The following BRME1 variants were observed in gnomAD, a reference collection of about 807,000 sequenced individuals.
BRME1 encodes the protein BRCA2 and MEILB2-associating protein 1.
Under a neutral mutation model 52.6 loss-of-function variants are expected in BRME1, and 31 were observed. The ratio of observed to expected loss-of-function variants is 0.59; its 90% CI spans 0.44 to 0.80. BRME1 has a LOEUF of 0.80. BRME1 is among the 30% of genes least tolerant of loss of function. BRME1 has a pLI of 0.00. For missense variants in BRME1, 804 were observed against 860.3 expected (o/e 0.93, Z 0.82); for synonymous variants, 359 against 353.6 (o/e 1.02, Z -0.17).
At position 13,904,885 on chromosome 19, in the gene BRME1, T is replaced by A. The variant is rs1970565338; in HGVS notation, c.8A>T (p.Lys3Met). MT[K>M]RKKLRTSGEG... ...ACCTGAGGTCCGCAGCTTCTTCCTC[T>A]TAGTCATTTTATCTTCCCCTTGAGA... is the stretch of plus-strand genomic sequence containing the variant. The change falls in exon 2 of 9, where the codon AAG becomes ATG. Residue 3 changes from lysine (K) to methionine (M), a missense_variant. Transcript: ENST00000586783. The A allele has an allele frequency of 6.2e-7, 1 of 1,613,822 alleles. No individual in the cohort carries two copies. Among genetic ancestry groups the A allele is most frequent in the Non-Finnish European group, 8.5e-7 (1 of 1,179,774 alleles).
intron 2 of BRME1, among the ~76,000 whole-genome samples, chr19:13,899,151 CTTT>C (rs561611001): frequency 1.5e-5 from 2 of 137,408 alleles, no homozygotes; most frequent in Non-Finnish European, 1.6e-5. Flanking sequence ...TCTTCTTCTT[CTTT>C]TTTTTTTTTT....
chr19:13,895,338 G>A (rs768588039), intron 3 of BRME1, 34 bp downstream of exon 3: 1 of 1,597,486 alleles, frequency 6.3e-7, no homozygotes, highest in Non-Finnish European at 8.5e-7. Context: ...GACTGTCAGT[G>A]GGGAGACCTG....
At position 13,889,400 on chromosome 19, in the gene BRME1, T is replaced by C. The variant is rs1192873696; in HGVS notation, c.1456A>G (p.Arg486Gly). Residue 486 changes from arginine (R) to glycine (G), a missense_variant, in exon 6 of 9, where the codon AGA (arginine) becomes GGA (glycine). Coordinates refer to ENST00000586783, the MANE Select transcript of BRME1 (RefSeq NM_001345843.2). ...SPQASVVLEH[R>G]EIADDPLQEP... ...TGGAGAGGGTCGTCTGCTATTTCTCTGTGTTCCAGCACAACAGAGGCTTGC... is the reference window on the plus strand; with the variant it reads ...TGGAGAGGGTCGTCTGCTATTTCTCCGTGTTCCAGCACAACAGAGGCTTGC... The C allele has an allele frequency of 3.7e-6, 6 of 1,613,954 alleles. No individual in the cohort carries two copies. The highest frequency in any genetic ancestry group is 3.3e-5 in the Admixed American group (2 of 60,004).
intron 2 of BRME1, among the ~76,000 whole-genome samples, chr19:13,900,113 T>C (rs1970198850): frequency 1.3e-5 from 2 of 152,172 alleles, no homozygotes; most frequent in Non-Finnish European, 2.9e-5. Flanking sequence ...GAATGGCCAT[T>C]TGTACCAAAT....
chr19:13,899,674 A>G (rs1421856849), intron 2 of BRME1, among the ~76,000 whole-genome samples: 1 of 152,140 alleles, frequency 6.6e-6, no homozygotes, highest in African/African-American at 2.4e-5. Context: ...TACCACCACA[A>G]GTAAAGCTCC....
Position 13,890,122 on chromosome 19 carries a change from T to TC in BRME1, c.733dup (p.Glu245GlyfsTer66), listed in dbSNP as rs1332446304. ...CTGGGGGGCTCCTCTGTCTGGCTTC[T>TC]CCCCTTCAGAATCAATGCTTGGTAG... On this transcript the variant is annotated frameshift_variant, in exon 6 of 9. Transcript: ENST00000586783. LOFTEE classifies it high-confidence loss of function. 6.2e-7 allele frequency: 1 copy of TC among 1,614,116 alleles called. No homozygotes were observed. The highest frequency in any genetic ancestry group is 8.5e-7 in the Non-Finnish European group (1 of 1,180,008).
At chr19:13,901,301 A>C (rs1289593424) in intron 2 of BRME1, among the ~76,000 whole-genome samples, 1 of 152,096 alleles carries the variant, frequency 6.6e-6, no homozygotes, top group Non-Finnish European at 1.5e-5. Flanking sequence ...TTCTTTTCAA[A>C]TGATGAAATT....
At chr19:13,893,247 AAGG>A (rs1371121293) in intron 3 of BRME1, 24 bp from the exon 4 acceptor site, 11 of 1,556,890 alleles carry the variant, frequency 7.1e-6, no homozygotes, top group South Asian at 1.2e-5. Context: ...GATAAAACTG[AAGG>A]AGATCTGCCC....
At chr19:13,901,105 C>G (rs914758399) in intron 2 of BRME1, among the ~76,000 whole-genome samples, 1 of 151,936 alleles carries the variant, frequency 6.6e-6, no homozygotes, top group Non-Finnish European at 1.5e-5. Context: ...CCCAAGTAGC[C>G]AGGACTACAG....
intron 5 of BRME1, among the ~76,000 whole-genome samples, chr19:13,892,517 G>A (rs553032704): frequency 6.6e-6 from 1 of 152,218 alleles, no homozygotes; most frequent in South Asian, 2.1e-4. Context: ...AACCCAGTGG[G>A]GCAGAGGTTG....
chr19:13,900,082 C>T (rs1362493158), intron 2 of BRME1, among the ~76,000 whole-genome samples: 2 of 152,144 alleles, frequency 1.3e-5, no homozygotes, highest in African/African-American at 4.8e-5. Context: ...GATTCTCAAA[C>T]ACTTGCTCAC....
chr19:13,900,629 A>G (rs1352993574), intron 2 of BRME1, among the ~76,000 whole-genome samples: 1 of 152,204 alleles, frequency 6.6e-6, no homozygotes, highest in Non-Finnish European at 1.5e-5. Context: ...TACTTTAGAA[A>G]ATGATAGGCA....
In BRME1 at chr19:13,885,943, C is replaced by T. The variant is rs1435641747; in HGVS notation, c.1763+18G>A. On this transcript the variant is annotated intron_variant, in intron 7 of 8. Coordinates refer to ENST00000586783, the MANE Select transcript of BRME1 (RefSeq NM_001345843.2). ...TTGTGAGGGTCCTGGAGCCACTTCTCACCCACGCCACACCTACCTCGGCTG... is the reference window on the plus strand; with the variant it reads ...TTGTGAGGGTCCTGGAGCCACTTCTTACCCACGCCACACCTACCTCGGCTG... The T allele has an allele frequency of 3.7e-6, 6 of 1,611,008 alleles. No homozygotes were observed. Among genetic ancestry groups the T allele is most frequent in the East Asian group, 2.2e-5 (1 of 44,798 alleles).
chr19:13,890,099 G>GT lies in BRME1; in HGVS notation c.756_757insA (p.Gln253ThrfsTer58). ...GCTGTCCTTTGGGCCCCTCCCTCCT[G>GT]GGGGGCTCCTCTGTCTGGCTTCTCC... On this transcript the variant is annotated frameshift_variant, in exon 6 of 9. Coordinates refer to ENST00000586783, the MANE Select transcript of BRME1 (RefSeq NM_001345843.2). LOFTEE classifies it high-confidence loss of function. The GT allele has an allele frequency of 1.2e-6, 2 of 1,613,948 alleles. No homozygotes were observed. Among genetic ancestry groups the GT allele is most frequent in the East Asian group, 4.5e-5 (2 of 44,882 alleles).
intron 2 of BRME1, among the ~76,000 whole-genome samples, chr19:13,903,466 A>G (rs545108460): frequency 1.2e-4 from 19 of 152,204 alleles, no homozygotes; most frequent in African/African-American, 4.1e-4. Flanking sequence ...TGAGGTCAGG[A>G]GTTTGAGACC....
intron 2 of BRME1, among the ~76,000 whole-genome samples, chr19:13,898,183 G>A (rs1462759380): frequency 2.2e-4 from 33 of 152,172 alleles, no homozygotes; most frequent in Non-Finnish European, 4.4e-5. Flanking sequence ...CCAGAGAGGT[G>A]AAAACGTTAA....
At position 13,883,339 on chromosome 19, in the gene BRME1, G is replaced by A. The variant is rs143110912; in HGVS notation, c.1825C>T (p.Arg609Cys). 704 of 1,535,156 alleles carry A rather than the reference G, an allele frequency of 4.6e-4. 4 individuals are homozygous for A. The African/African-American group carries it at 8.0e-3, about 18-fold the overall frequency. Residue 609 changes from arginine (R) to cysteine (C), a missense_variant, in exon 8 of 9, where the codon CGT (arginine) becomes TGT (cysteine). Physicochemically the swap from Arg to Cys is radical, Grantham distance 180. Transcript: ENST00000586783. The surrounding 1 kb of genome is among the most constrained non-coding windows in gnomAD (Gnocchi z 4.2). ...TTGGAGAGCTCAACGATGAGGCCAC[G>A]CACGACGTTGGTGGCATCCTCCATC... ...SRMEDATNVV[R>C]GLIVELSNLN...
rs139214198 is a variant in BRME1 at position 13,882,950 on chromosome 19, C to T, written c.1859G>A (p.Arg620Gln). ...GTCCCGGTGGGTGCCCATGATCAGCCGGCTGTGGGGGAAACACAGGCATGC... is the reference window on the plus strand; with the variant it reads ...GTCCCGGTGGGTGCCCATGATCAGCTGGCTGTGGGGGAAACACAGGCATGC... ...GLIVELSNLN[R>Q]LIMGTHRDLE... is the part of the protein sequence containing the mutation. The change falls in exon 9 of 9, where the codon CGG becomes CAG. Residue 620 changes from arginine (R) to glutamine (Q), a missense_variant and splice_region_variant. By Grantham distance (43) the Arg-to-Gln change is conservative (BLOSUM62 1). Coordinates refer to ENST00000586783, the MANE Select transcript of BRME1 (RefSeq NM_001345843.2). 40 of 1,612,016 alleles carry T rather than the reference C, an allele frequency of 2.5e-5. No individual in the cohort carries two copies. Among genetic ancestry groups the T allele is most frequent in the Non-Finnish European group, 3.3e-5 (39 of 1,179,590 alleles).
intron 7 of BRME1, 118 bp downstream of exon 7, chr19:13,885,842 TG>T: frequency 1.2e-6 from 1 of 809,632 alleles, no homozygotes; most frequent in Non-Finnish European, 2.0e-6. Context: ...GCTCCCCTGC[TG>T]GACTGAGGAA....
Sources: allele counts gnomAD v4.1 joint callset (sites outside exome capture counted in the v4.1 genomes callset), GRCh38; gene constraint gnomAD v4.1.1; non-coding constraint Gnocchi (gnomAD v3.1); transcripts MANE v1.5; gene names NCBI Gene and HGNC (gene_info 2026-07-23, HGNC 2026-07-21).